Variants in DSE observed in about 807,000 individuals in gnomAD.
The protein encoded by DSE is dermatan sulfate epimerase.
DSE carries 36 observed loss-of-function variants against 84.4 expected under a neutral mutation model. The ratio of observed to expected loss-of-function variants is 0.43; its 90% CI spans 0.33 to 0.56. DSE has a LOEUF of 0.56. Ranked by LOEUF, DSE falls within the 20% of genes least tolerant of loss-of-function variation. DSE has a pLI of 0.06. For missense variants in DSE, 862 were observed against 1,169.6 expected (o/e 0.74, Z 3.84); for synonymous variants, 410 against 430.1 (o/e 0.95, Z 0.58).
intron 2 of DSE, among the ~76,000 whole-genome samples, chr6:116,364,380 CTTAAGT>C (rs902785987): frequency 1.3e-5 from 2 of 152,182 alleles, no homozygotes; most frequent in Non-Finnish European, 2.9e-5. Flanking sequence ...AGACTACATA[CTTAAGT>C]TTAACATCAG....
intron 2 of DSE, among the ~76,000 whole-genome samples, chr6:116,266,703 A>G (rs1344523200): frequency 6.6e-6 from 1 of 152,300 alleles, no homozygotes; most frequent in Non-Finnish European, 1.5e-5. Flanking sequence ...AAGAATTAGA[A>G]AGCTTTGTGT....
intron 2 of DSE, among the ~76,000 whole-genome samples, chr6:116,417,399 T>C (rs1020337849): frequency 1.3e-5 from 2 of 152,224 alleles, no homozygotes; most frequent in Admixed American, 6.5e-5. Flanking sequence ...ACTTGGTATA[T>C]TCCGACACTT....
At chr6:116,417,628 G>T (rs889339614) in intron 2 of DSE, among the ~76,000 whole-genome samples, 3 of 152,066 alleles carry the variant, frequency 2.0e-5, no homozygotes, top group Non-Finnish European at 4.4e-5. Context: ...TAAATCCAGT[G>T]ATTTAATTAA....
chr6:116,345,788 T>C (rs1211263045), intron 2 of DSE, among the ~76,000 whole-genome samples: 2 of 151,718 alleles, frequency 1.3e-5, no homozygotes, highest in Non-Finnish European at 2.9e-5. Context: ...CTGAAGGAGA[T>C]AGAGACACAG....
chr6:116,393,102 G>T (rs146180045), intron 1 of DSE, among the ~76,000 whole-genome samples: 1 of 152,278 alleles, frequency 6.6e-6, no homozygotes, highest in African/African-American at 2.4e-5. Flanking sequence ...CTGTTAGATC[G>T]GCAGGCCTTT....
chr6:116,368,943 C>CAG (rs1554218639), upstream of DSE, among the ~76,000 whole-genome samples: 1 of 84,332 alleles, frequency 1.2e-5, no homozygotes, highest in Non-Finnish European at 2.5e-5. Flanking sequence ...GGCGGGGGGA[C>CAG]GGGGGGGGCT....
Position 116,399,308 on chromosome 6 carries a change from G to A in DSE, c.58G>A (p.Val20Met). The change falls in exon 2 of 6, where the codon GTG (valine) becomes ATG (methionine). Residue 20 changes from valine to methionine, a missense_variant. Around this residue, in one of 4 missense-constraint regions of DSE, gnomAD observed 52 missense variants for 49.6 expected, o/e 1.05. Coordinates refer to ENST00000644252, the MANE Select transcript of DSE (RefSeq NM_013352.4). ...SVFFIYLLCF[V>M]SAYITDENPE... ...GTTTTTCATATATTTGCTTTGCTTT[G>A]TGTCAGCCTACATCACCGACGAGAA... is the stretch of plus-strand genomic sequence containing the variant. 1.2e-6 allele frequency: 2 copies of A among 1,614,016 alleles called. No individual in the cohort carries two copies. The highest frequency in any genetic ancestry group is 8.5e-7 in the Non-Finnish European group (1 of 1,180,030).
At chr6:116,296,138 G>C (rs1331642121) in intron 2 of DSE, among the ~76,000 whole-genome samples, 1 of 152,070 alleles carries the variant, frequency 6.6e-6, no homozygotes, top group East Asian at 1.9e-4. Context: ...AAAATCCATG[G>C]ATGCTGAAGT....
intron 2 of DSE, among the ~76,000 whole-genome samples, chr6:116,301,463 G>A (rs1361527610): frequency 2.0e-5 from 3 of 152,128 alleles, no homozygotes; most frequent in East Asian, 1.9e-4. Context: ...AGATGTGTAT[G>A]TGTCTTAAGA....
intron 2 of DSE, among the ~76,000 whole-genome samples, chr6:116,260,371 G>T (rs1359602750): frequency 6.6e-6 from 1 of 152,030 alleles, no homozygotes; most frequent in African/African-American, 2.4e-5. Flanking sequence ...CCTTATAGAT[G>T]CTGGATATTA....
At chr6:116,299,204 G>A (rs1774842292) in intron 2 of DSE, among the ~76,000 whole-genome samples, 1 of 152,080 alleles carries the variant, frequency 6.6e-6, no homozygotes, top group Non-Finnish European at 1.5e-5. Context: ...AAATTGCACA[G>A]TTGTGTCCAC....
rs1365046287 is a variant in DSE, at chr6:116,436,831, A to G, written c.2363A>G (p.Glu788Gly). 8 of 1,614,176 alleles carry G rather than the reference A, an allele frequency of 5.0e-6. No individual in the cohort carries two copies. In the Admixed American group the frequency reaches 1.2e-4, roughly 24 times the overall value. The change falls in exon 6 of 6, where the codon GAG (glutamate) becomes GGG (glycine). Residue 788 changes from glutamate (E) to glycine (G), a missense_variant. Physicochemically the swap from Glu to Gly is moderately conservative, Grantham distance 98 (BLOSUM62 -2). Around this residue, in one of 4 missense-constraint regions of DSE, gnomAD observed 315 missense variants for 348.1 expected, o/e 0.90. Transcript: ENST00000644252. ...TTTTCAGATAAGAGACAGACTGAGGAGGCCATTGACAGGATTTTTGCCATA... is the reference window on the plus strand; with the variant it reads ...TTTTCAGATAAGAGACAGACTGAGGGGGCCATTGACAGGATTTTTGCCATA... ...LRFSDKRQTE[E>G]AIDRIFAISQ...
intron 2 of DSE, among the ~76,000 whole-genome samples, chr6:116,332,161 T>A (rs1776986155): frequency 6.6e-6 from 1 of 152,062 alleles, no homozygotes. Context: ...CTGAAAATAA[T>A]CATAATAGGA....
At chr6:116,273,834 G>GTTTTTTTTTTTT (rs35845513) in intron 2 of DSE, among the ~76,000 whole-genome samples, 1 of 136,944 alleles carries the variant, frequency 7.3e-6, no homozygotes, top group African/African-American at 2.7e-5. Flanking sequence ...ATGTTTTTTT[G>GTTTTTTTTTTTT]TTTTTTTTTT....
chr6:116,348,875 A>G (rs1053792175), intron 2 of DSE, among the ~76,000 whole-genome samples: 1 of 152,096 alleles, frequency 6.6e-6, no homozygotes, highest in Non-Finnish European at 1.5e-5. Flanking sequence ...TATCTCAAGG[A>G]CAGAAAACCA....
Position 116,435,649 on chromosome 6 carries a change from T to C in DSE, c.1181T>C (p.Phe394Ser), listed in dbSNP as rs1213631810. Residue 394 changes from phenylalanine (F) to serine (S), a missense_variant, in exon 6 of 6, where the codon TTT becomes TCT. Transcript: ENST00000644252. ...TTTGGCACCCCTACACTGCATTATT[T>C]TGAAGACTGGGGTGTCGTGACTTAT... is the stretch of plus-strand genomic sequence containing the variant. ...PDFGTPTLHY[F>S]EDWGVVTYGS... The C allele has an allele frequency of 6.2e-7, 1 of 1,614,094 alleles. No homozygotes were observed. The highest frequency in any genetic ancestry group is 1.7e-5 in the Admixed American group (1 of 60,004).
intron 2 of DSE, among the ~76,000 whole-genome samples, chr6:116,329,949 G>A (rs1458525614): frequency 6.6e-6 from 1 of 152,010 alleles, no homozygotes; most frequent in Non-Finnish European, 1.5e-5. Flanking sequence ...TCAGCCTCCC[G>A]GGTAGCTGGG....
At chr6:116,424,691 A>G (rs540799267) in intron 2 of DSE, among the ~76,000 whole-genome samples, 5 of 152,368 alleles carry the variant, frequency 3.3e-5, no homozygotes, top group African/African-American at 2.4e-5. Context: ...GAGGGGAAAC[A>G]TATACATAGA....
chr6:116,442,263 G>A lies in DSE; in HGVS notation c.*4918G>A, dbSNP rs1784452077. 1 of 152,320 alleles carries A rather than the reference G, an allele frequency of 6.6e-6. No individual in the cohort carries two copies. The highest frequency in any genetic ancestry group is 1.5e-5 in the Non-Finnish European group (1 of 68,148). 9.4% of individuals were successfully genotyped at this position (152,320 alleles called of 1,614,324 possible). A position where few individuals can be genotyped will look rare whatever the true frequency, so the allele number is the denominator to read the frequency against. ...ATAGGAATAGGATCAGATCATACAT[G>A]CTCTCACAGACTGCAGCAAAGACTT... On this transcript the variant is annotated 3_prime_UTR_variant, in exon 6 of 6. Coordinates refer to ENST00000644252, the MANE Select transcript of DSE (RefSeq NM_013352.4).
Sources: gnomAD v4.1 joint callset for allele counts (sites outside exome capture counted in the v4.1 genomes callset) on GRCh38, gnomAD v4.1.1 for gene constraint, gnomAD v4.1.1 regional missense constraint, MANE v1.5 for transcripts, NCBI Gene and HGNC (gene_info 2026-07-23, HGNC 2026-07-21) for gene names.